LYST: variants seen among roughly 807,000 people sequenced by gnomAD.
The protein encoded by LYST is lysosomal trafficking regulator, also known as lysosomal-trafficking regulator.
LYST carries 192 observed loss-of-function variants against 413.6 expected under a neutral mutation model. The ratio of observed to expected loss-of-function variants is 0.46; its 90% confidence interval spans 0.41 to 0.52. The LOEUF (loss-of-function observed/expected upper bound fraction) is 0.52, where lower values mean the gene tolerates loss of function less well. LYST is among the 20% of genes least tolerant of loss of function. LYST has a pLI of 0.00. For synonymous variants in LYST, 1,525 were observed against 1,567.3 expected, an observed-to-expected ratio of 0.97 and a Z score of 0.64; for missense variants, 3,815 against 4,499.9, an observed-to-expected ratio of 0.85 and a Z score of 4.35.
intron 48 of LYST, among the ~76,000 whole-genome samples, chr1:235,678,598 T>A (rs1659569169): frequency 6.6e-6 from 1 of 152,172 alleles, no homozygotes. Flanking sequence ...GTAGAAAGAA[T>A]AAGTATAATA....
At chr1:235,747,283 T>C (rs1666023832) in intron 28 of LYST, 1 of 452,644 alleles carries the variant, frequency 2.2e-6, no homozygotes, top group African/African-American at 2.0e-5. Context: ...GGAACCAAAA[T>C]GATGTCTTGG....
intron 50 of LYST, among the ~76,000 whole-genome samples, chr1:235,672,536 T>G (rs533376783): frequency 3.0e-4 from 45 of 152,248 alleles, no homozygotes; most frequent in Admixed American, 3.9e-4. Flanking sequence ...AAAAGCAACT[T>G]TGGCTGCTTT....
intron 44 of LYST, among the ~76,000 whole-genome samples, chr1:235,704,126 T>TAC (rs1661769389): frequency 6.6e-6 from 1 of 152,244 alleles, no homozygotes; most frequent in South Asian, 2.1e-4. Flanking sequence ...ATGGTGTATA[T>TAC]ATACCACATT....
intron 3 of LYST, chr1:235,827,348 G>A (rs1675444743): frequency 2.6e-6 from 2 of 779,380 alleles, no homozygotes; most frequent in African/African-American, 1.9e-5. Context: ...CAGCCTGGGT[G>A]AAAAAGTGAG....
intron 21 of LYST, among the ~76,000 whole-genome samples, chr1:235,765,841 AT>A (rs113006318): frequency 0.039 from 5,700 of 145,532 alleles, 293 homozygotes; most frequent in African/African-American, 0.12. Flanking sequence ...CCAAATACAC[AT>A]TTTTTTTTTT....
intron 47 of LYST, among the ~76,000 whole-genome samples, chr1:235,691,605 T>C (rs970069411): frequency 1.3e-5 from 2 of 152,174 alleles, no homozygotes; most frequent in Non-Finnish European, 2.9e-5. Flanking sequence ...TTTGATAATA[T>C]TCTCTCAATG....
At chr1:235,740,943 T>TA (rs1359613416) in intron 31 of LYST, among the ~76,000 whole-genome samples, 1 of 152,232 alleles carries the variant, frequency 6.6e-6, no homozygotes, top group Non-Finnish European at 1.5e-5. Flanking sequence ...CTTGAAGTGA[T>TA]AAACTTTATA....
intron 19 of LYST, among the ~76,000 whole-genome samples, chr1:235,771,083 A>G (rs766112457): frequency 6.6e-6 from 1 of 152,210 alleles, no homozygotes; most frequent in Non-Finnish European, 1.5e-5. Context: ...GAACCAAGAT[A>G]TTGATAGACT....
intron 46 of LYST, among the ~76,000 whole-genome samples, chr1:235,695,781 C>T (rs1245076921): frequency 6.6e-6 from 1 of 151,722 alleles, no homozygotes; most frequent in Non-Finnish European, 1.5e-5. Context: ...TACAGGAGCC[C>T]GCCACCACGC....
Position 235,753,228 on chromosome 1 carries a change from A to G in LYST, c.7276T>C (p.Ser2426Pro). The part of the protein sequence containing the change: ...VRNMGLFQKW[S>P]VIPILGLIET... ...ATTAGTCCCAGAATAGGAATGACAG[A>G]CCACTTCTGAAACAATCCCATGTTT... Residue 2426 changes from serine to proline, a missense_variant, in exon 26 of 53, where the codon TCT (serine) becomes CCT (proline). Physicochemically the swap from Ser to Pro is moderately conservative, Grantham distance 74. Transcript: ENST00000389793. 1.9e-6 allele frequency: 3 copies of G among 1,610,466 alleles called. No homozygotes were observed. The highest frequency in any genetic ancestry group is 2.5e-6 in the Non-Finnish European group (3 of 1,176,940).
intron 36 of LYST, among the ~76,000 whole-genome samples, chr1:235,730,471 A>G (rs1455909969): frequency 6.6e-6 from 1 of 151,968 alleles, no homozygotes; most frequent in East Asian, 1.9e-4. Flanking sequence ...TAATAGATAG[A>G]GATGTTAAAC....
chr1:235,797,252 A>G (rs1671652381), intron 10 of LYST, among the ~76,000 whole-genome samples: 1 of 152,224 alleles, frequency 6.6e-6, no homozygotes, highest in African/African-American at 2.4e-5. Flanking sequence ...CAAATGCAGT[A>G]TATCCACACA....
Position 235,741,543 on chromosome 1 carries a change from C to T in LYST, c.8237G>A (p.Arg2746Lys), listed in dbSNP as rs1328566874. ...TGGCGACAAAATATGCACTAGTAGTCTCCCAAGCTGCATTCGGAAGGTCTC... is the reference window on the plus strand; with the variant it reads ...TGGCGACAAAATATGCACTAGTAGTTTCCCAAGCTGCATTCGGAAGGTCTC... ...CKETFRMQLG[R>K]LLVHILSPAH... The change falls in exon 31 of 53, where the codon AGA becomes AAA. Residue 2746 changes from arginine to lysine, a missense_variant. This residue lies in a region of LYST where 771 missense variants were observed against 837.1 expected (regional missense o/e 0.92). Coordinates refer to ENST00000389793, the MANE Select transcript of LYST (RefSeq NM_000081.4). The T allele has an allele frequency of 6.2e-7, 1 of 1,613,874 alleles. No homozygotes were observed. The highest frequency in any genetic ancestry group is 2.2e-5 in the East Asian group (1 of 44,896).
At chr1:235,806,819 C>T in intron 5 of LYST, 47 bp from the exon 6 acceptor site, 1 of 1,238,088 alleles carries the variant, frequency 8.1e-7, no homozygotes, top group Non-Finnish European at 1.2e-6. Context: ...AAAGAAACAT[C>T]ATTTATAAAT....
At chr1:235,670,525 G>A (rs1386497829) in intron 50 of LYST, among the ~76,000 whole-genome samples, 2 of 152,168 alleles carry the variant, frequency 1.3e-5, no homozygotes, top group Admixed American at 1.3e-4. Context: ...GTGTCTCACT[G>A]CAGCAGCCTC....
At chr1:235,693,227 G>C (rs1027074097) in intron 47 of LYST, 123 bp downstream of exon 47, 38 of 584,020 alleles carry the variant, frequency 6.5e-5, no homozygotes, top group Non-Finnish European at 9.6e-5. Context: ...TGAGGCAGGA[G>C]AATGGCGTGA....
chr1:235,782,170 A>T, intron 14 of LYST, 83 bp from the exon 15 acceptor site: 1 of 1,187,690 alleles, frequency 8.4e-7, no homozygotes, highest in Non-Finnish European at 1.2e-6. Flanking sequence ...ATATTTAACA[A>T]TGGGGAATTC....
At chr1:235,724,002 A>G in intron 39 of LYST, 26 bp downstream of exon 39, 1 of 1,596,550 alleles carries the variant, frequency 6.3e-7, no homozygotes, top group Non-Finnish European at 8.6e-7. Flanking sequence ...TAAACAATAT[A>G]TATCAATTAA....
intron 16 of LYST, among the ~76,000 whole-genome samples, chr1:235,778,989 C>T (rs1455270975): frequency 2.0e-5 from 3 of 151,920 alleles, no homozygotes. Context: ...GCCTCAGCCT[C>T]CTGAGTAGCT....
Sources: gnomAD v4.1 joint callset for allele counts (sites outside exome capture counted in the v4.1 genomes callset) on GRCh38, gnomAD v4.1.1 for gene constraint, gnomAD v4.1.1 regional missense constraint, MANE v1.5 for transcripts, NCBI Gene and HGNC (gene_info 2026-07-23, HGNC 2026-07-21) for gene names.